TMEM117: variants seen among roughly 807,000 people sequenced by gnomAD.
The protein encoded by TMEM117 is transmembrane protein 117.
Under a neutral mutation model 52.4 loss-of-function variants are expected in TMEM117, and 27 were observed. The ratio of observed to expected loss-of-function variants is 0.51; its 90% CI spans 0.38 to 0.71. TMEM117 has a LOEUF of 0.71. Ranked by LOEUF, TMEM117 falls within the 30% of genes least tolerant of loss-of-function variation. The pLI is 0.00. For missense variants in TMEM117, 556 were observed against 630.5 expected (o/e 0.88, Z 1.26); for synonymous variants, 215 against 206.3 (o/e 1.04, Z -0.36).
the TMEM117 span, among the ~76,000 whole-genome samples, chr12:43,822,545 T>C: frequency 6.6e-6 from 1 of 151,770 alleles, no homozygotes; most frequent in African/African-American, 2.4e-5. Context: ...TATGCCTAGG[T>C]GAAACTGGTG....
chr12:44,380,691 A>T (rs1257591692), intron 7 of TMEM117, among the ~76,000 whole-genome samples: 1 of 152,194 alleles, frequency 6.6e-6, no homozygotes, highest in Non-Finnish European at 1.5e-5. Flanking sequence ...TAAGGCACTT[A>T]TGACGCTGCC....
At chr12:43,969,604 TTCTTCCATTCTGTCA>T (rs1369365241) in intron 3 of TMEM117, among the ~76,000 whole-genome samples, 1 of 152,154 alleles carries the variant, frequency 6.6e-6, no homozygotes, top group East Asian at 1.9e-4. Context: ...CAACTTGTAC[TTCTTCCATTCTGTCA>T]TCTGGCAACT....
At chr12:44,271,980 A>G (rs1950451615) in intron 5 of TMEM117, among the ~76,000 whole-genome samples, 1 of 152,152 alleles carries the variant, frequency 6.6e-6, no homozygotes, top group African/African-American at 2.4e-5. Context: ...CACATATGTG[A>G]AAAAATGCCC....
At chr12:44,385,848 TC>T (rs1350529755) in intron 7 of TMEM117, among the ~76,000 whole-genome samples, 1 of 152,144 alleles carries the variant, frequency 6.6e-6, no homozygotes, top group African/African-American at 2.4e-5. Flanking sequence ...CTGTTTCTCA[TC>T]CCTTTCCTGC....
intron 3 of TMEM117, among the ~76,000 whole-genome samples, chr12:44,076,050 C>T (rs1335619105): frequency 6.6e-6 from 1 of 152,136 alleles, no homozygotes; most frequent in Non-Finnish European, 1.5e-5. Flanking sequence ...GCAATCACTG[C>T]CGTTACCACC....
chr12:44,194,131 A>G (rs186648470), intron 4 of TMEM117, among the ~76,000 whole-genome samples: 7 of 152,316 alleles, frequency 4.6e-5, no homozygotes, highest in Non-Finnish European at 7.4e-5. Context: ...TAGGAATACA[A>G]ATTTTAAATG....
intron 3 of TMEM117, among the ~76,000 whole-genome samples, chr12:43,969,711 T>C (rs1787884591): frequency 6.6e-6 from 1 of 152,068 alleles, no homozygotes; most frequent in Non-Finnish European, 1.5e-5. Context: ...CTTGCCATCA[T>C]CTTGGGTGTT....
At chr12:44,274,952 A>G (rs1483606924) in intron 5 of TMEM117, among the ~76,000 whole-genome samples, 1 of 152,148 alleles carries the variant, frequency 6.6e-6, no homozygotes, top group African/African-American at 2.4e-5. Context: ...AAGTTGGCAA[A>G]TGGGATCACA....
intron 5 of TMEM117, among the ~76,000 whole-genome samples, chr12:44,224,546 C>T: frequency 6.6e-6 from 1 of 151,868 alleles, no homozygotes. Flanking sequence ...TTCTCTTCCT[C>T]CTCCTCCTCC....
chr12:43,902,059 G>A (rs1048107669), intron 2 of TMEM117, among the ~76,000 whole-genome samples: 6 of 152,124 alleles, frequency 3.9e-5, no homozygotes, highest in African/African-American at 9.7e-5. Context: ...GTGAAAATAC[G>A]CTGTTTGATC....
chr12:44,045,082 GA>G (rs1276881609), intron 3 of TMEM117, among the ~76,000 whole-genome samples: 1 of 152,174 alleles, frequency 6.6e-6, no homozygotes, highest in Non-Finnish European at 1.5e-5. Context: ...TTTTAATAAT[GA>G]AGTGGCTAGG....
chr12:44,031,978 A>T (rs1469860737), intron 3 of TMEM117, among the ~76,000 whole-genome samples: 1 of 152,202 alleles, frequency 6.6e-6, no homozygotes, highest in Non-Finnish European at 1.5e-5. Flanking sequence ...GTTCCTGTAC[A>T]GGGTTTCTGA....
At chr12:44,350,317 G>A (rs1239167191) in intron 6 of TMEM117, among the ~76,000 whole-genome samples, 1 of 151,822 alleles carries the variant, frequency 6.6e-6, no homozygotes, top group Admixed American at 6.6e-5. Flanking sequence ...TTTTGATACA[G>A]GCATGAAATG....
In TMEM117 at chr12:44,342,182, C is replaced by G. The variant is rs1330324086; in HGVS notation, c.769-34413C>G. Among the ~76,000 whole-genome samples the G allele has an allele frequency of 3.3e-5, 5 of 152,128 alleles. No homozygotes were observed. The East Asian group carries it at 9.7e-4, about 29-fold the overall frequency. ...GTTTGAAAGCAGAGCTACAGAAGGT[C>G]GTTTGTCATGTCTAAAGGCCATAGA... On this transcript the variant is annotated intron_variant, in intron 6 of 7. Coordinates refer to ENST00000266534, the MANE Select transcript of TMEM117 (RefSeq NM_032256.3).
intron 4 of TMEM117, among the ~76,000 whole-genome samples, chr12:44,146,596 C>T (rs939980974): frequency 4.6e-5 from 7 of 152,204 alleles, no homozygotes; most frequent in African/African-American, 1.7e-4. Flanking sequence ...ATTCCCAGAG[C>T]ACATCATTTC....
chr12:43,822,111 C>CT, the TMEM117 span, among the ~76,000 whole-genome samples: 1 of 152,196 alleles, frequency 6.6e-6, no homozygotes, highest in Non-Finnish European at 1.5e-5. Flanking sequence ...CAGGACTTCT[C>CT]TAGGGTACTG....
chr12:44,015,496 T>G (rs868844209), intron 3 of TMEM117, among the ~76,000 whole-genome samples: 2 of 152,184 alleles, frequency 1.3e-5, no homozygotes, highest in Non-Finnish European at 2.9e-5. Flanking sequence ...GCTCAAATTT[T>G]TTTTTGTCCA....
At chr12:43,938,181 T>C (rs897676297) in intron 2 of TMEM117, among the ~76,000 whole-genome samples, 4 of 150,888 alleles carry the variant, frequency 2.7e-5, no homozygotes, top group African/African-American at 9.7e-5. Context: ...CTAGTTGTGA[T>C]GGTTTGAGGT....
chr12:44,249,520 G>A (rs1359121614), intron 5 of TMEM117, among the ~76,000 whole-genome samples: 1 of 152,126 alleles, frequency 6.6e-6, no homozygotes, highest in Non-Finnish European at 1.5e-5. Context: ...CCAAAAAAGA[G>A]CCTGTGTAGC....
Sources: allele counts gnomAD v4.1 joint callset (sites outside exome capture counted in the v4.1 genomes callset), GRCh38; gene constraint gnomAD v4.1.1; transcripts MANE v1.5; gene names NCBI Gene and HGNC (gene_info 2026-07-23, HGNC 2026-07-21).